Variants in TRPC5 observed in about 807,000 individuals in gnomAD.
TRPC5 encodes the protein short transient receptor potential channel 5.
A neutral mutation model predicts 56.5 loss-of-function variants in TRPC5; 9 were observed. The ratio of observed to expected loss-of-function variants is 0.16; its 90% confidence interval spans 0.10 to 0.28. The LOEUF (loss-of-function observed/expected upper bound fraction) is 0.28, where lower values mean the gene tolerates loss of function less well. Ranked by LOEUF, TRPC5 falls within the 10% of genes least tolerant of loss-of-function variation. The pLI, the probability that TRPC5 is intolerant of heterozygous loss-of-function variation, is 1.00. For synonymous variants in TRPC5, 282 were observed against 278.5 expected, an observed-to-expected ratio of 1.01 and a Z score of -0.13; for missense variants, 469 against 748.9, an observed-to-expected ratio of 0.63 and a Z score of 4.36.
At chrX:111,826,218 T>G (rs147660649) in intron 7 of TRPC5, among the ~76,000 whole-genome samples, 1 of 112,346 alleles carries the variant, frequency 8.9e-6, no homozygotes, top group East Asian at 2.8e-4. Flanking sequence ...GTTTTACTCA[T>G]GTCAGACTTT....
intron 2 of TRPC5, among the ~76,000 whole-genome samples, chrX:111,914,567 T>C (rs868818494): frequency 7.1e-5 from 8 of 112,038 alleles, no homozygotes; most frequent in Middle Eastern, 9.1e-3. Flanking sequence ...TTTCCTTCAC[T>C]GAGTGCTTGC....
At chrX:111,781,538 A>G (rs1400963860) in intron 8 of TRPC5, among the ~76,000 whole-genome samples, 2 of 111,574 alleles carry the variant, frequency 1.8e-5, no homozygotes, top group Admixed American at 1.9e-4. Context: ...AGCCTGGCCA[A>G]CATAGTGAAA....
intron 1 of TRPC5, among the ~76,000 whole-genome samples, chrX:112,078,287 T>C (rs1308662598): frequency 1.8e-5 from 2 of 111,832 alleles, no homozygotes; most frequent in African/African-American, 6.5e-5. Flanking sequence ...CAGCATATAA[T>C]ATAAACACGT....
intron 3 of TRPC5, among the ~76,000 whole-genome samples, chrX:111,885,453 G>C (rs1393686523): frequency 2.7e-5 from 3 of 110,443 alleles, no homozygotes; most frequent in African/African-American, 6.6e-5. Context: ...GTTTTCCTAA[G>C]ATTTTCTATA....
chrX:112,022,713 C>T (rs964978807), intron 1 of TRPC5, among the ~76,000 whole-genome samples: 1 of 111,812 alleles, frequency 8.9e-6, no homozygotes, highest in Non-Finnish European at 1.9e-5. Flanking sequence ...CTGGTAATGC[C>T]CTTCACTTTT....
chrX:111,980,783 T>C (rs772576598), intron 1 of TRPC5, among the ~76,000 whole-genome samples: 8 of 108,746 alleles, frequency 7.4e-5, no homozygotes, highest in Non-Finnish European at 1.5e-4. Context: ...TATTTCATTA[T>C]TATTTCTAAA....
chrX:112,041,334 T>C (rs1322561817), intron 1 of TRPC5, among the ~76,000 whole-genome samples: 1 of 112,181 alleles, frequency 8.9e-6, no homozygotes, highest in African/African-American at 3.2e-5. Context: ...CTAAGACCTA[T>C]GAAACTGATG....
At chrX:111,886,347 C>T (rs1398956797) in intron 3 of TRPC5, among the ~76,000 whole-genome samples, 1 of 112,516 alleles carries the variant, frequency 8.9e-6, no homozygotes, top group African/African-American at 3.2e-5. Context: ...TCAGTACATA[C>T]CCATGTAGCC....
At chrX:112,056,774 GTCT>G (rs1163108837) in intron 1 of TRPC5, among the ~76,000 whole-genome samples, 10 of 112,115 alleles carry the variant, frequency 8.9e-5, no homozygotes, top group Admixed American at 5.7e-4. Context: ...TAACTGCACT[GTCT>G]TCTTCTTGCC....
chrX:111,958,230 T>C (rs1927285423), intron 1 of TRPC5, among the ~76,000 whole-genome samples: 1 of 112,168 alleles, frequency 8.9e-6, no homozygotes, highest in African/African-American at 3.2e-5. Flanking sequence ...AGTGAAGCCT[T>C]TCAAGACCAC....
At chrX:111,812,948 C>A (rs1425599933) in intron 7 of TRPC5, among the ~76,000 whole-genome samples, 1 of 112,221 alleles carries the variant, frequency 8.9e-6, no homozygotes, top group Non-Finnish European at 1.9e-5. Context: ...CTAAAACTTT[C>A]CAAGAGATAT....
In TRPC5 at chrX:111,951,605, G is replaced by A. The variant is rs1927087839; in HGVS notation, c.378+438C>T. ...TTATTCCATAAGCATCTGCACCATG[G>A]CACTCAAGTTTAAAGGCCTCCTGTG... On this transcript the variant is annotated intron_variant, in intron 2 of 10. Coordinates refer to ENST00000262839, the MANE Select transcript of TRPC5 (RefSeq NM_012471.3). Among the ~76,000 whole-genome samples the A allele has an allele frequency of 5.4e-5, 6 of 111,727 alleles. No homozygotes were observed. In the South Asian group the frequency reaches 2.3e-3, roughly 43 times the overall value.
intron 7 of TRPC5, among the ~76,000 whole-genome samples, chrX:111,825,170 T>C (rs865836735): frequency 0.026 from 2,018 of 77,410 alleles, 147 homozygotes; most frequent in African/African-American, 0.11. Context: ...TTTCTTTCTT[T>C]CTTTCTTTCT....
At chrX:111,914,038 G>C (rs1478990278) in intron 2 of TRPC5, among the ~76,000 whole-genome samples, 1 of 110,175 alleles carries the variant, frequency 9.1e-6, no homozygotes, top group Non-Finnish European at 1.9e-5. Context: ...CAGCTTGCTA[G>C]ACTCACAGAA....
chrX:111,904,510 A>G (rs112980185), intron 3 of TRPC5, among the ~76,000 whole-genome samples: 3,919 of 111,288 alleles, frequency 0.035, 109 homozygotes, highest in African/African-American at 0.086. Context: ...GGAAGCTATT[A>G]CCCTCAGCAA....
chrX:111,967,384 C>T (rs1168769028), intron 1 of TRPC5, among the ~76,000 whole-genome samples: 37 of 110,683 alleles, frequency 3.3e-4, no homozygotes, highest in Middle Eastern at 4.7e-3. Context: ...GAATCAATAT[C>T]GTGAAAATGG....
At position 111,866,187 on chromosome X, in the gene TRPC5, T is replaced by G. The variant is rs1296932965; in HGVS notation, c.901-12081A>C. 2.6e-5 allele frequency among the ~76,000 whole-genome samples: 3 copies of G among 113,869 alleles called. No homozygotes were observed. In the East Asian group the frequency reaches 8.3e-4, roughly 31 times the overall value. ...CTAAATTTCCCAGTATCTTCCCCAT[T>G]GGCCTTGCGGCCAGTGATTGAAATG... On this transcript the variant is annotated intron_variant, in intron 3 of 10. Transcript: ENST00000262839.
At chrX:111,816,838 G>A (rs1420843206) in intron 7 of TRPC5, among the ~76,000 whole-genome samples, 2 of 111,860 alleles carry the variant, frequency 1.8e-5, no homozygotes, top group African/African-American at 6.5e-5. Flanking sequence ...AGGATGGAGG[G>A]AGAAGATGGG....
intron 7 of TRPC5, among the ~76,000 whole-genome samples, chrX:111,802,162 C>A (rs899104010): frequency 5.4e-5 from 6 of 111,637 alleles, no homozygotes; most frequent in African/African-American, 1.9e-4. Flanking sequence ...GTCTTGGTAC[C>A]CTTGACAGAA....
Sources: allele counts gnomAD v4.1 joint callset (sites outside exome capture counted in the v4.1 genomes callset), GRCh38; gene constraint gnomAD v4.1.1; transcripts MANE v1.5; gene names NCBI Gene and HGNC (gene_info 2026-07-23, HGNC 2026-07-21).